Variants in MGAT4A observed in about 807,000 individuals in gnomAD.
MGAT4A encodes N-acetylglucosaminyltransferase IVa.
A neutral mutation model predicts 74.1 loss-of-function variants in MGAT4A; 33 were observed. The observed-to-expected ratio is 0.45, with a 90% CI of 0.34 to 0.60. MGAT4A has a LOEUF of 0.60. Ranked by LOEUF, MGAT4A falls within the 20% of genes least tolerant of loss-of-function variation. MGAT4A has a pLI of 0.02. For synonymous variants in MGAT4A, 198 were observed against 210.4 expected, an observed-to-expected ratio of 0.94 and a Z score of 0.51; for missense variants, 479 against 628.3, an observed-to-expected ratio of 0.76 and a Z score of 2.54.
At chr2:98,716,714 G>A (rs1702596656) in intron 2 of MGAT4A, among the ~76,000 whole-genome samples, 1 of 152,212 alleles carries the variant, frequency 6.6e-6, no homozygotes, top group Non-Finnish European at 1.5e-5. Context: ...ATGGGGGATA[G>A]GTTCCAGTAT....
chr2:98,690,501 C>T (rs905265565), intron 2 of MGAT4A, among the ~76,000 whole-genome samples: 1 of 152,220 alleles, frequency 6.6e-6, no homozygotes, highest in South Asian at 2.1e-4. Context: ...GGTGGCACAG[C>T]CCGTACCCTC....
chr2:98,637,480 C>T lies in MGAT4A; in HGVS notation c.1323-885G>A, dbSNP rs887173250. 3.9e-5 allele frequency among the ~76,000 whole-genome samples: 6 copies of T among 152,070 alleles called. No individual in the cohort carries two copies. In the South Asian group the frequency reaches 6.2e-4, roughly 16 times the overall value. ...AAGCATTTGAAGAATGACTAATTAT[C>T]GATATATGGTGACAGATCTAAAATA... On this transcript the variant is annotated intron_variant, in intron 12 of 15. Transcript: ENST00000393487.
Position 98,622,348 on chromosome 2 carries a change from T to C in MGAT4A, c.*3218A>G, listed in dbSNP as rs1701073769. 2 of 985,470 alleles carry C rather than the reference T, an allele frequency of 2.0e-6. No individual in the cohort carries two copies. The highest frequency in any genetic ancestry group is 2.4e-6 in the Non-Finnish European group (2 of 829,944). 61.0% of individuals were successfully genotyped at this position (985,470 alleles called of 1,614,324 possible). A position where few individuals can be genotyped will look rare whatever the true frequency, so the allele number is the denominator to read the frequency against. On this transcript the variant is annotated 3_prime_UTR_variant, in exon 16 of 16. Transcript: ENST00000393487. Reference sequence around the variant, plus strand: ...CTAGCTCCACATGGCCACTGAGTACTTGGAATGTCACTAGTGTGTGTGATG... The same window carrying C: ...CTAGCTCCACATGGCCACTGAGTACCTGGAATGTCACTAGTGTGTGTGATG...
Position 98,623,462 on chromosome 2 carries a change from A to G in MGAT4A, c.*2104T>C, listed in dbSNP as rs1701092248. On this transcript the variant is annotated 3_prime_UTR_variant, in exon 16 of 16. Coordinates refer to ENST00000393487, the MANE Select transcript of MGAT4A (RefSeq NM_012214.3). Reference sequence around the variant, plus strand: ...GCAGAGATTTTTACTTCTGGTACTCAGTTATCTTTGCAGTAATTTAGTATA... The same window carrying G: ...GCAGAGATTTTTACTTCTGGTACTCGGTTATCTTTGCAGTAATTTAGTATA... The G allele has an allele frequency of 1.0e-6, 1 of 985,060 alleles. No individual in the cohort carries two copies. Among genetic ancestry groups the G allele is most frequent in the Non-Finnish European group, 1.2e-6 (1 of 829,564 alleles). 61.0% of individuals were successfully genotyped at this position (985,060 alleles called of 1,614,324 possible). A position where few individuals can be genotyped will look rare whatever the true frequency, so the allele number is the denominator to read the frequency against.
intron 14 of MGAT4A, among the ~76,000 whole-genome samples, chr2:98,628,512 C>G (rs1306633852): frequency 6.6e-6 from 1 of 152,196 alleles, no homozygotes; most frequent in Non-Finnish European, 1.5e-5. Context: ...ACTTTGGGAA[C>G]AGCCTCATTT....
At chr2:98,639,721 A>T (rs1405593130) in intron 12 of MGAT4A, 87 bp downstream of exon 12, 1 of 1,216,814 alleles carries the variant, frequency 8.2e-7, no homozygotes, top group African/African-American at 1.5e-5. Context: ...CACATCTGTC[A>T]GGCACACACA....
At chr2:98,673,097 T>C (rs1425884699) in intron 4 of MGAT4A, among the ~76,000 whole-genome samples, 2 of 152,102 alleles carry the variant, frequency 1.3e-5, no homozygotes, top group East Asian at 3.9e-4. Flanking sequence ...AGGATACAGA[T>C]GTGGTGCTGG....
At position 98,703,430 on chromosome 2, in the gene MGAT4A, C is replaced by G. The variant is rs529597722; in HGVS notation, c.94+22809G>C. 9.9e-5 allele frequency among the ~76,000 whole-genome samples: 15 copies of G among 151,966 alleles called. No homozygotes were observed. The South Asian group carries it at 2.7e-3, about 27-fold the overall frequency. ...AGAGGCCCCAGAGTATAGGATACCC[C>G]CAAGCGTTCACAGAAGGAAATAGAG... On this transcript the variant is annotated intron_variant, in intron 2 of 15. Coordinates refer to ENST00000393487, the MANE Select transcript of MGAT4A (RefSeq NM_012214.3).
At chr2:98,691,347 G>A (rs1476583974) in intron 2 of MGAT4A, among the ~76,000 whole-genome samples, 4 of 152,084 alleles carry the variant, frequency 2.6e-5, no homozygotes, top group African/African-American at 7.2e-5. Context: ...AGCTGAGGCG[G>A]GAGGATCACT....
rs1290700427 is a variant in MGAT4A at position 98,622,260 on chromosome 2, T to C, written c.*3306A>G. 1.0e-6 allele frequency: 1 copy of C among 985,318 alleles called. No individual in the cohort carries two copies. The highest frequency in any genetic ancestry group is 1.2e-6 in the Non-Finnish European group (1 of 829,950). 61.0% of individuals were successfully genotyped at this position (985,318 alleles called of 1,614,324 possible). A position where few individuals can be genotyped will look rare whatever the true frequency, so the allele number is the denominator to read the frequency against. On this transcript the variant is annotated 3_prime_UTR_variant, in exon 16 of 16. Coordinates refer to ENST00000393487, the MANE Select transcript of MGAT4A (RefSeq NM_012214.3). ...AATTAGCACTCTGGACACAGTACTG[T>C]TCAACAGAGCTTTCTGCAGTGATGG...
chr2:98,713,583 G>A (rs780437476), intron 2 of MGAT4A, among the ~76,000 whole-genome samples: 12 of 152,190 alleles, frequency 7.9e-5, no homozygotes, highest in East Asian at 3.9e-4. Flanking sequence ...CCAACATGGC[G>A]AAACCCTGTC....
intron 5 of MGAT4A, among the ~76,000 whole-genome samples, chr2:98,661,805 G>A (rs1701753609): frequency 6.6e-6 from 1 of 152,082 alleles, no homozygotes; most frequent in African/African-American, 2.4e-5. Context: ...GCCTCACCTC[G>A]ATTATGGCAA....
intron 12 of MGAT4A, among the ~76,000 whole-genome samples, chr2:98,638,683 G>A (rs980083447): frequency 3.3e-5 from 5 of 152,224 alleles, no homozygotes; most frequent in African/African-American, 1.2e-4. Flanking sequence ...AACTATTTCT[G>A]TATGTTCTTC....
chr2:98,731,125 C>G lies in MGAT4A; in HGVS notation c.-313G>C, dbSNP rs957872034. 1.4e-5 allele frequency: 2 copies of G among 138,110 alleles called. No individual in the cohort carries two copies. 8.6% of individuals were successfully genotyped at this position (138,110 alleles called of 1,614,324 possible). A position where few individuals can be genotyped will look rare whatever the true frequency, so the allele number is the denominator to read the frequency against. On this transcript the variant is annotated 5_prime_UTR_variant, in exon 1 of 16. Coordinates refer to ENST00000393487, the MANE Select transcript of MGAT4A (RefSeq NM_012214.3). This position sits in a 1 kb window ranked among gnomAD's most constrained non-coding sequence, Gnocchi z 4.8. ...GCCGCCGCCGCTGCCGCCGCCGCTG[C>G]GGGCCGCCCCGCCCGCCCCGCCGGC...
chr2:98,620,227 A>G lies in MGAT4A; in HGVS notation c.*5339T>C, dbSNP rs1187391161. On this transcript the variant is annotated 3_prime_UTR_variant, in exon 16 of 16. Transcript: ENST00000393487. The stretch of plus-strand genomic sequence containing the variant: ...TTGTATGATCACATGCATTAAAGAA[A>G]GTAAGCATACTAGTTATCGTAGCAT... The G allele has an allele frequency of 6.6e-6, 1 of 152,258 alleles. No homozygotes were observed. The highest frequency in any genetic ancestry group is 6.5e-5 in the Admixed American group (1 of 15,286). 9.4% of individuals were successfully genotyped at this position (152,258 alleles called of 1,614,324 possible).
intron 2 of MGAT4A, among the ~76,000 whole-genome samples, chr2:98,720,925 C>T (rs1702659964): frequency 6.6e-6 from 1 of 152,100 alleles, no homozygotes; most frequent in Non-Finnish European, 1.5e-5. Flanking sequence ...TACTGAAGAA[C>T]AATAAGCTAT....
chr2:98,651,618 A>C (rs1275662883), intron 8 of MGAT4A, among the ~76,000 whole-genome samples: 1 of 152,224 alleles, frequency 6.6e-6, no homozygotes, highest in Non-Finnish European at 1.5e-5. Flanking sequence ...AAAATCAACG[A>C]AACACAAAAG....
chr2:98,702,419 G>A (rs1009621032), intron 2 of MGAT4A, among the ~76,000 whole-genome samples: 2 of 152,234 alleles, frequency 1.3e-5, no homozygotes, highest in Non-Finnish European at 2.9e-5. Flanking sequence ...TTAATAGGGA[G>A]GCCTTGAAAA....
chr2:98,701,076 A>G (rs1168865574), intron 2 of MGAT4A, among the ~76,000 whole-genome samples: 7 of 152,162 alleles, frequency 4.6e-5, no homozygotes, highest in African/African-American at 1.4e-4. Context: ...GGAAAAGGCT[A>G]TTATAAAAAT....
Sources: allele counts gnomAD v4.1 joint callset (sites outside exome capture counted in the v4.1 genomes callset), GRCh38; gene constraint gnomAD v4.1.1; non-coding constraint Gnocchi (gnomAD v3.1); transcripts MANE v1.5; gene names NCBI Gene and HGNC (gene_info 2026-07-23, HGNC 2026-07-21).